The following ELP1 variants were observed in gnomAD, a reference collection of about 807,000 sequenced individuals.
The protein encoded by ELP1 is elongator complex protein 1.
ELP1 carries 131 observed loss-of-function variants against 183.2 expected under a neutral mutation model. The observed-to-expected ratio is 0.72, with a 90% CI of 0.62 to 0.83. The LOEUF (loss-of-function observed/expected upper bound fraction) is 0.83. Among genes scored for constraint, ELP1 ranks in the 40% least tolerant of loss-of-function variants. The pLI, the probability that ELP1 is intolerant of heterozygous loss-of-function variation, is 0.00. For synonymous variants in ELP1, 555 were observed against 569.0 expected, an observed-to-expected ratio of 0.98 and a Z score of 0.35; for missense variants, 1,550 against 1,594.9, an observed-to-expected ratio of 0.97 and a Z score of 0.48.
intron 6 of ELP1, 72 bp downstream of exon 6, chr9:108,922,769 CA>C: frequency 8.9e-7 from 1 of 1,122,544 alleles, no homozygotes. Context: ...AAGTGGACAC[CA>C]AAGAGTTCCT....
chr9:108,904,397 C>G (rs1238128396), intron 14 of ELP1, among the ~76,000 whole-genome samples: 3 of 151,326 alleles, frequency 2.0e-5, no homozygotes, highest in Admixed American at 2.0e-4. Flanking sequence ...GCCACGGAAG[C>G]AGAATTTCTC....
rs1178343860 is a variant in ELP1, at chr9:108,879,536, T to C, written c.3482A>G (p.Gln1161Arg). Reference protein sequence around the residue: ...AGLDDEVPHGQESDLFSETSS... With the variant: ...AGLDDEVPHGRESDLFSETSS... ...AGTTTCAGAGAAGAGGTCTGACTCT[T>C]GCCCGTGGGGTACCTCATCATCTAG... is the stretch of plus-strand genomic sequence containing the variant. Residue 1161 changes from glutamine to arginine, a missense_variant, in exon 33 of 37, where the codon CAA (glutamine) becomes CGA (arginine). By Grantham distance (43) the Gln-to-Arg change is conservative. Coordinates refer to ENST00000374647, the MANE Select transcript of ELP1 (RefSeq NM_003640.5). The C allele has an allele frequency of 6.2e-7, 1 of 1,614,032 alleles. No homozygotes were observed. Among genetic ancestry groups the C allele is most frequent in the Middle Eastern group, 1.6e-4 (1 of 6,062 alleles).
chr9:108,905,558 T>A (rs774400143), intron 14 of ELP1, among the ~76,000 whole-genome samples: 1 of 152,106 alleles, frequency 6.6e-6, no homozygotes, highest in African/African-American at 2.4e-5. Context: ...ATAGGATATA[T>A]AGAAGAGGAG....
chr9:108,922,466 C>CAT (rs1829679018), intron 6 of ELP1, among the ~76,000 whole-genome samples: 1 of 152,100 alleles, frequency 6.6e-6, no homozygotes, highest in Admixed American at 6.6e-5. Context: ...CTAATATACA[C>CAT]ATATATGGGA....
At chr9:108,920,120 A>C (rs118043186) in intron 6 of ELP1, among the ~76,000 whole-genome samples, 12 of 152,310 alleles carry the variant, frequency 7.9e-5, no homozygotes, top group Non-Finnish European at 1.5e-4. Flanking sequence ...TATGAAATAG[A>C]ACTGGAAATA....
chr9:108,906,711 T>C (rs1829035796), intron 13 of ELP1, among the ~76,000 whole-genome samples: 2 of 152,230 alleles, frequency 1.3e-5, no homozygotes, highest in South Asian at 4.1e-4. Context: ...CCCTGAAATC[T>C]TTAAATTTGA....
chr9:108,927,746 G>A (rs147103320), intron 3 of ELP1, among the ~76,000 whole-genome samples: 2 of 152,278 alleles, frequency 1.3e-5, no homozygotes, highest in Admixed American at 6.5e-5. Context: ...AACATAGATG[G>A]AACTGGAGAT....
At position 108,882,594 on chromosome 9, in the gene ELP1, C is replaced by CTTT. The variant is rs534835923; in HGVS notation, c.3223-410_3223-408dup. Among the ~76,000 whole-genome samples the CTTT allele has an allele frequency of 1.0e-4, 14 of 136,598 alleles. 1 individual carries two copies. The highest frequency in any genetic ancestry group is 1.9e-4 in the African/African-American group (7 of 36,358). The allele number at this position is 136,598 out of a possible 152,430, so 89.6% of individuals were successfully genotyped here. On this transcript the variant is annotated intron_variant, in intron 29 of 36. Transcript: ENST00000374647. ...GCAATCTTCTAAATTTTTTTTTGTT[C>CTTT]TTTTTTTTTTTTTTTTCTCAGACAG... is the stretch of plus-strand genomic sequence containing the variant.
In ELP1 at chr9:108,880,231, G is replaced by T. The variant is rs907873245; in HGVS notation, c.3347-66C>A. 4.7e-6 allele frequency: 5 copies of T among 1,060,242 alleles called. No individual in the cohort carries two copies. The Middle Eastern group carries it at 6.0e-4, about 127-fold the overall frequency. 65.7% of individuals were successfully genotyped at this position (1,060,242 alleles called of 1,614,324 possible). On this transcript the variant is annotated intron_variant, in intron 31 of 36. Transcript: ENST00000374647. Reference sequence around the variant, plus strand: ...AAGCAAAGAGAAAAAACTAAAGGCGGGGAGCAGTGAAGGAGGGTTAAAATT... The same window carrying T: ...AAGCAAAGAGAAAAAACTAAAGGCGTGGAGCAGTGAAGGAGGGTTAAAATT...
intron 29 of ELP1, among the ~76,000 whole-genome samples, chr9:108,885,301 A>C (rs10816756): frequency 0.18 from 27,321 of 152,068 alleles, 3,189 homozygotes; most frequent in African/African-American, 0.33. Context: ...AGAAAAAAGA[A>C]GACACATCAA....
intron 36 of ELP1, among the ~76,000 whole-genome samples, chr9:108,870,889 C>T (rs916285001): frequency 4.6e-5 from 7 of 150,702 alleles, no homozygotes; most frequent in Non-Finnish European, 1.0e-4. Context: ...ATCAAGTCAT[C>T]TTCTGTTAAT....
At chr9:108,870,319 G>C (rs888530801) in intron 36 of ELP1, among the ~76,000 whole-genome samples, 1 of 152,060 alleles carries the variant, frequency 6.6e-6, no homozygotes, top group Non-Finnish European at 1.5e-5. Context: ...ACTGTTGTTC[G>C]GCAGTGTATT....
At position 108,912,350 on chromosome 9, in the gene ELP1, T is replaced by G. The variant is rs1829257433; in HGVS notation, c.1103A>C (p.Tyr368Ser). Residue 368 changes from tyrosine to serine, a missense_variant, in exon 11 of 37, where the codon TAC (tyrosine) becomes TCC (serine). Coordinates refer to ENST00000374647, the MANE Select transcript of ELP1 (RefSeq NM_003640.5). ...RLHVLCQGWH[Y>S]LAYDWHWTTD... ...CGTCCAGTGCCAATCATAGGCGAGG[T>G]AATGCCAGCCCTGACAGAGAACATG... 1 of 1,613,966 alleles carries G rather than the reference T, an allele frequency of 6.2e-7. No individual in the cohort carries two copies. The highest frequency in any genetic ancestry group is 1.1e-5 in the South Asian group (1 of 91,074).
intron 18 of ELP1, 58 bp from the exon 19 acceptor site, chr9:108,900,433 C>T: frequency 8.2e-7 from 1 of 1,214,514 alleles, no homozygotes; most frequent in Non-Finnish European, 1.2e-6. Flanking sequence ...TCTCCATTAA[C>T]TGCAATTGAA....
At chr9:108,890,786 A>G (rs1209768322) in intron 28 of ELP1, among the ~76,000 whole-genome samples, 1 of 152,202 alleles carries the variant, frequency 6.6e-6, no homozygotes, top group Non-Finnish European at 1.5e-5. Flanking sequence ...ATCCAGCTAC[A>G]TGGCGTGGCC....
chr9:108,888,925 G>A (rs1315094436), intron 29 of ELP1, among the ~76,000 whole-genome samples: 2 of 152,148 alleles, frequency 1.3e-5, no homozygotes, highest in Non-Finnish European at 2.9e-5. Flanking sequence ...GTACCTCCAG[G>A]TCCCTGAGGT....
At position 108,893,019 on chromosome 9, in the gene ELP1, C is replaced by G; in HGVS notation, c.2925G>C (p.Leu975=). ...GTTGTGAGCTTGGTGAATATAACTT[C>G]AGAGCTTCGTTATACAAGTTTTTAT... The part of the protein sequence containing the change: ...IKDKNLYNEA[L]KLYSPSSQQY... The change falls in exon 27 of 37, where the codon CTG becomes CTC. Residue 975 remains leucine, a synonymous_variant. Transcript: ENST00000374647. 6.2e-7 allele frequency: 1 copy of G among 1,613,702 alleles called. No individual in the cohort carries two copies. The highest frequency in any genetic ancestry group is 8.5e-7 in the Non-Finnish European group (1 of 1,179,622).
chr9:108,872,037 A>G (rs1164356148), intron 36 of ELP1, among the ~76,000 whole-genome samples: 1 of 152,184 alleles, frequency 6.6e-6, no homozygotes, highest in Non-Finnish European at 1.5e-5. Context: ...TTGTAATGTT[A>G]TGACTTTTCT....
At chr9:108,919,032 T>A in intron 7 of ELP1, 131 bp from the exon 8 acceptor site, 1 of 819,958 alleles carries the variant, frequency 1.2e-6, no homozygotes, top group Admixed American at 2.0e-5. Flanking sequence ...ATTAGATTAA[T>A]TTTGTTACAA....
Sources: allele counts gnomAD v4.1 joint callset (sites outside exome capture counted in the v4.1 genomes callset), GRCh38; gene constraint gnomAD v4.1.1; transcripts MANE v1.5; gene names NCBI Gene and HGNC (gene_info 2026-07-23, HGNC 2026-07-21).